The following CAMKMT variants were observed in gnomAD, a reference collection of about 807,000 sequenced individuals.
CAMKMT encodes the protein calmodulin-lysine N-methyltransferase, also known as CaM KMT.
CAMKMT carries 53 observed loss-of-function variants against 48.0 expected under a neutral mutation model. The observed-to-expected ratio is 1.10, with a 90% CI of 0.89 to 1.39. The LOEUF (loss-of-function observed/expected upper bound fraction) is 1.39, where lower values mean the gene tolerates loss of function less well. Among genes scored for constraint, CAMKMT ranks in the 40% most tolerant of loss-of-function variants. The probability of loss-of-function intolerance (pLI) is 0.00; values close to 1 mark genes in which losing one functional copy is unlikely to be tolerated. For synonymous variants in CAMKMT, 165 were observed against 152.3 expected (o/e 1.08, Z -0.61); for missense variants, 428 against 402.7 (o/e 1.06, Z -0.54).
At chr2:44,527,111 A>G (rs973799990) in intron 3 of CAMKMT, among the ~76,000 whole-genome samples, 1 of 133,386 alleles carries the variant, frequency 7.5e-6, no homozygotes, top group African/African-American at 2.8e-5. Context: ...TTTTCTTTCT[A>G]AGACAGGGTC....
intron 8 of CAMKMT, among the ~76,000 whole-genome samples, chr2:44,745,695 C>G (rs1254418931): frequency 1.3e-5 from 2 of 151,810 alleles, no homozygotes; most frequent in African/African-American, 2.4e-5. Flanking sequence ...CCTGTTTATA[C>G]TTTCCCATTT....
intron 3 of CAMKMT, among the ~76,000 whole-genome samples, chr2:44,416,608 C>G (rs1347627077): frequency 4.4e-5 from 5 of 114,410 alleles, no homozygotes; most frequent in East Asian, 2.6e-4. Context: ...GAGTCTTGCT[C>G]TGTCGCCTAG....
At chr2:44,551,261 G>A (rs545497260) in intron 3 of CAMKMT, among the ~76,000 whole-genome samples, 4 of 152,250 alleles carry the variant, frequency 2.6e-5, no homozygotes, top group Admixed American at 2.6e-4. Context: ...TGCCTTCTAT[G>A]TCACATTAAT....
At chr2:44,771,884 T>A (rs1681129107) in intron 10 of CAMKMT, 152 bp from the exon 11 acceptor site, 16 of 459,982 alleles carry the variant, frequency 3.5e-5, no homozygotes, top group Admixed American at 1.1e-4. Flanking sequence ...TTAGTGCCAC[T>A]GAGAACTACT....
intron 3 of CAMKMT, among the ~76,000 whole-genome samples, chr2:44,419,929 G>T (rs769171405): frequency 6.6e-6 from 1 of 151,826 alleles, no homozygotes; most frequent in Admixed American, 6.6e-5. Flanking sequence ...GCAAAGAGTC[G>T]TCTCACAGTC....
At chr2:44,499,237 C>T (rs1212765646) in intron 3 of CAMKMT, among the ~76,000 whole-genome samples, 1 of 152,148 alleles carries the variant, frequency 6.6e-6, no homozygotes, top group African/African-American at 2.4e-5. Context: ...TCTTCAGAAG[C>T]GTCTGCAGCC....
chr2:44,624,833 A>G (rs1392337177), intron 3 of CAMKMT, among the ~76,000 whole-genome samples: 3 of 152,174 alleles, frequency 2.0e-5, no homozygotes, highest in African/African-American at 7.2e-5. Context: ...TCCTTTGGGT[A>G]TATACCCAAT....
intron 3 of CAMKMT, among the ~76,000 whole-genome samples, chr2:44,694,553 A>G (rs1676834859): frequency 6.6e-6 from 1 of 152,192 alleles, no homozygotes; most frequent in African/African-American, 2.4e-5. Context: ...ACAGAGTGAG[A>G]TCCTGTCTCC....
chr2:44,451,075 C>T (rs1012984464), intron 3 of CAMKMT, among the ~76,000 whole-genome samples: 3 of 152,012 alleles, frequency 2.0e-5, no homozygotes, highest in South Asian at 2.1e-4. Flanking sequence ...GTTTGCAACT[C>T]AAATTTTAAA....
At chr2:44,492,516 A>G (rs1385762800) in intron 3 of CAMKMT, among the ~76,000 whole-genome samples, 2 of 152,212 alleles carry the variant, frequency 1.3e-5, no homozygotes, top group Admixed American at 6.5e-5. Flanking sequence ...CAAGTAAGCA[A>G]TGTAGGTAAG....
intron 3 of CAMKMT, among the ~76,000 whole-genome samples, chr2:44,418,251 T>C (rs1395967847): frequency 8.6e-5 from 13 of 151,956 alleles, no homozygotes. Flanking sequence ...ACAAGTCTTT[T>C]GTCAGGCATG....
chr2:44,409,535 A>G (rs1683046439), intron 3 of CAMKMT, among the ~76,000 whole-genome samples: 1 of 152,180 alleles, frequency 6.6e-6, no homozygotes, highest in Admixed American at 6.5e-5. Context: ...AAGTTTTTAT[A>G]TACTTCTTTG....
intron 3 of CAMKMT, among the ~76,000 whole-genome samples, chr2:44,696,639 A>G (rs1302401061): frequency 2.0e-5 from 3 of 152,154 alleles, no homozygotes; most frequent in African/African-American, 4.8e-5. Context: ...TGACTAAGTG[A>G]ACATATGCAG....
intron 8 of CAMKMT, among the ~76,000 whole-genome samples, chr2:44,747,299 C>T (rs982696756): frequency 5.9e-5 from 9 of 151,700 alleles, no homozygotes; most frequent in African/African-American, 2.2e-4. Flanking sequence ...AATTTTTTTC[C>T]CTCAAAATGG....
intron 7 of CAMKMT, among the ~76,000 whole-genome samples, chr2:44,725,050 C>G (rs1233599060): frequency 6.6e-6 from 1 of 151,854 alleles, no homozygotes; most frequent in African/African-American, 2.4e-5. Context: ...CAAGACTATC[C>G]CAGCTGAGAA....
In CAMKMT at chr2:44,376,300, GTA is replaced by G. The variant is rs1286355932; in HGVS notation, c.311+3414_311+3415del. Among the ~76,000 whole-genome samples, 116 of 151,834 alleles carry G rather than the reference GTA, an allele frequency of 7.6e-4. 3 individuals carry two copies. Among genetic ancestry groups the G allele is most frequent in the Admixed American group, 7.4e-3 (113 of 15,246 alleles). On this transcript the variant is annotated intron_variant, in intron 2 of 10. Transcript: ENST00000378494. ...ATGGTGGTTCATGCCTGTAATCCCAGTATCCCAGTTACTCGGTGGCTAACACA... is the reference window on the plus strand; with the variant it reads ...ATGGTGGTTCATGCCTGTAATCCCAGTCCCAGTTACTCGGTGGCTAACACA...
At chr2:44,637,810 T>C (rs1346336715) in intron 3 of CAMKMT, among the ~76,000 whole-genome samples, 1 of 152,088 alleles carries the variant, frequency 6.6e-6, no homozygotes. Context: ...CTCACGCCTG[T>C]AATCCCAACA....
At chr2:44,573,883 A>G (rs940475840) in intron 3 of CAMKMT, among the ~76,000 whole-genome samples, 4 of 152,076 alleles carry the variant, frequency 2.6e-5, no homozygotes, top group African/African-American at 7.2e-5. Context: ...AAGTATGTCT[A>G]TTTCTGAATA....
chr2:44,458,399 G>C (rs1667684587), intron 3 of CAMKMT, among the ~76,000 whole-genome samples: 1 of 152,132 alleles, frequency 6.6e-6, no homozygotes. Flanking sequence ...TCTGTAAATA[G>C]AGAGTAATCA....
Sources: allele counts gnomAD v4.1 joint callset (sites outside exome capture counted in the v4.1 genomes callset), GRCh38; gene constraint gnomAD v4.1.1; transcripts MANE v1.5; gene names NCBI Gene and HGNC (gene_info 2026-07-23, HGNC 2026-07-21).